HCRTR2: variants seen among roughly 807,000 people sequenced by gnomAD.
HCRTR2 encodes hypocretin receptor 2, also known as orexin receptor type 2.
A neutral mutation model predicts 49.0 loss-of-function variants in HCRTR2; 22 were observed. The ratio of observed to expected loss-of-function variants is 0.45; its 90% CI spans 0.32 to 0.64. The LOEUF is 0.64. Among genes scored for constraint, HCRTR2 ranks in the 30% least tolerant of loss-of-function variants. HCRTR2 has a pLI of 0.04. For synonymous variants in HCRTR2, 236 were observed against 205.3 expected, an observed-to-expected ratio of 1.15 and a Z score of -1.28; for missense variants, 491 against 559.4, an observed-to-expected ratio of 0.88 and a Z score of 1.23.
At chr6:55,263,918 G>T in intron 4 of HCRTR2, 96 bp downstream of exon 4, 1 of 781,756 alleles carries the variant, frequency 1.3e-6, no homozygotes, top group South Asian at 1.5e-5. Flanking sequence ...TTTTTTTTTA[G>T]GATGCACTTA....
chr6:55,268,201 A>G (rs1766898641), intron 4 of HCRTR2, among the ~76,000 whole-genome samples: 1 of 152,162 alleles, frequency 6.6e-6, no homozygotes, highest in South Asian at 2.1e-4. Context: ...TGAAGAATGT[A>G]GAAATATAGG....
At chr6:55,161,935 A>G (rs1764811524) in intron 1 of HCRTR2, among the ~76,000 whole-genome samples, 1 of 152,210 alleles carries the variant, frequency 6.6e-6, no homozygotes, top group African/African-American at 2.4e-5. Flanking sequence ...TCCTTCTGAA[A>G]CTATTCCAAA....
intron 1 of HCRTR2, among the ~76,000 whole-genome samples, chr6:55,145,341 A>T (rs1175640018): frequency 6.6e-6 from 1 of 152,120 alleles, no homozygotes; most frequent in Admixed American, 6.5e-5. Context: ...TATCCACGGA[A>T]GATGTCCTGG....
intron 1 of HCRTR2, among the ~76,000 whole-genome samples, chr6:55,200,972 A>T (rs1325094154): frequency 1.3e-5 from 2 of 152,120 alleles, no homozygotes; most frequent in Admixed American, 1.3e-4. Flanking sequence ...CTATCAGAGA[A>T]TGCAATTTTT....
intron 1 of HCRTR2, among the ~76,000 whole-genome samples, chr6:55,197,260 A>T (rs1301768931): frequency 6.6e-6 from 1 of 151,956 alleles, no homozygotes; most frequent in Non-Finnish European, 1.5e-5. Context: ...ATAACCTCAA[A>T]TCTAACTCTG....
chr6:55,150,726 C>A (rs896712971), intron 1 of HCRTR2, among the ~76,000 whole-genome samples: 3 of 151,814 alleles, frequency 2.0e-5, no homozygotes, highest in Admixed American at 2.0e-4. Context: ...TTTCTTTATC[C>A]ATTTTTCTAT....
intron 1 of HCRTR2, among the ~76,000 whole-genome samples, chr6:55,116,320 A>T (rs2127612188): frequency 6.6e-6 from 1 of 151,884 alleles, no homozygotes; most frequent in Admixed American, 6.6e-5. Flanking sequence ...GAGTCGACTA[A>T]TTTTTAGTCT....
intron 1 of HCRTR2, among the ~76,000 whole-genome samples, chr6:55,177,510 CA>C (rs1765061946): frequency 6.6e-6 from 1 of 151,970 alleles, no homozygotes; most frequent in Non-Finnish European, 1.5e-5. Flanking sequence ...ATGATTTATG[CA>C]AAATAAAGAT....
chr6:55,204,294 AGG>A (rs1765561595), intron 1 of HCRTR2, among the ~76,000 whole-genome samples: 1 of 152,152 alleles, frequency 6.6e-6, no homozygotes. Flanking sequence ...CATTACCCAG[AGG>A]GCACCCTCTG....
chr6:55,186,317 A>C (rs557169136), intron 1 of HCRTR2, among the ~76,000 whole-genome samples: 25 of 152,252 alleles, frequency 1.6e-4, no homozygotes, highest in Non-Finnish European at 1.9e-4. Context: ...TTCTATATAA[A>C]TATTTAAAAT....
intron 1 of HCRTR2, among the ~76,000 whole-genome samples, chr6:55,140,081 G>A (rs1363095672): frequency 6.6e-6 from 1 of 152,174 alleles, no homozygotes; most frequent in East Asian, 1.9e-4. Flanking sequence ...TATTATTCCT[G>A]GGCACCCTGA....
intron 1 of HCRTR2, among the ~76,000 whole-genome samples, chr6:55,247,280 A>G (rs1766464055): frequency 6.6e-6 from 1 of 152,124 alleles, no homozygotes; most frequent in African/African-American, 2.4e-5. Flanking sequence ...TGAGAGTTAG[A>G]GGACAATGTG....
chr6:55,138,225 C>G (rs1433449116), intron 1 of HCRTR2, among the ~76,000 whole-genome samples: 2 of 151,188 alleles, frequency 1.3e-5, no homozygotes, highest in Admixed American at 6.6e-5. Flanking sequence ...TTTTTTTTGT[C>G]CTGAAAGATT....
At chr6:55,260,391 G>C (rs929373670) in intron 3 of HCRTR2, among the ~76,000 whole-genome samples, 1 of 152,304 alleles carries the variant, frequency 6.6e-6, no homozygotes, top group South Asian at 2.1e-4. Context: ...CCCGCCATAT[G>C]CTGTGTAGGC....
chr6:55,226,374 T>C (rs1766004472), intron 1 of HCRTR2, among the ~76,000 whole-genome samples: 1 of 152,150 alleles, frequency 6.6e-6, no homozygotes, highest in Admixed American at 6.5e-5. Context: ...AATGGTACCA[T>C]TTCAGCTCAC....
chr6:55,154,574 G>A (rs1234704800), intron 1 of HCRTR2, among the ~76,000 whole-genome samples: 1 of 151,742 alleles, frequency 6.6e-6, no homozygotes, highest in Non-Finnish European at 1.5e-5. Context: ...TGACGTTGTT[G>A]AGAAATTGAA....
downstream of HCRTR2, among the ~76,000 whole-genome samples, chr6:55,284,349 T>C (rs986356565): frequency 1.3e-5 from 2 of 152,136 alleles, no homozygotes; most frequent in African/African-American, 4.8e-5. Context: ...TTCTATACCA[T>C]CGGCATCAGC....
intron 1 of HCRTR2, among the ~76,000 whole-genome samples, chr6:55,107,094 T>TTA (rs1763984579): frequency 6.6e-6 from 1 of 152,178 alleles, no homozygotes; most frequent in Non-Finnish European, 1.5e-5. Context: ...GCTTGCTGGT[T>TTA]TATCTACATT....
chr6:55,137,233 A>T (rs571241143), intron 1 of HCRTR2, among the ~76,000 whole-genome samples: 32 of 152,262 alleles, frequency 2.1e-4, no homozygotes, highest in African/African-American at 7.5e-4. Flanking sequence ...GAAATAAAAA[A>T]CCCTTCAGAG....
Sources: gnomAD v4.1 joint callset for allele counts (sites outside exome capture counted in the v4.1 genomes callset) on GRCh38, gnomAD v4.1.1 for gene constraint, MANE v1.5 for transcripts, NCBI Gene and HGNC (gene_info 2026-07-23, HGNC 2026-07-21) for gene names.